Variants in CALD1 observed in about 807,000 individuals in gnomAD.
The protein encoded by CALD1 is caldesmon 1, also known as caldesmon.
CALD1 carries 33 observed loss-of-function variants against 99.9 expected under a neutral mutation model. The ratio of observed to expected loss-of-function variants is 0.33; its 90% confidence interval spans 0.25 to 0.44. The LOEUF (loss-of-function observed/expected upper bound fraction) is 0.44. Among genes scored for constraint, CALD1 ranks in the 20% least tolerant of loss-of-function variants. The pLI is 1.00. For missense variants in CALD1, 861 were observed against 962.1 expected (o/e 0.89, Z 1.39); for synonymous variants, 310 against 325.0 (o/e 0.95, Z 0.50).
At chr7:134,817,264 G>T (rs1798599041) in intron 1 of CALD1, among the ~76,000 whole-genome samples, 1 of 151,968 alleles carries the variant, frequency 6.6e-6, no homozygotes. Context: ...TGGTTAGAAA[G>T]GACTTTTTTC....
At chr7:134,781,163 C>T (rs1797089521) in intron 1 of CALD1, among the ~76,000 whole-genome samples, 1 of 152,224 alleles carries the variant, frequency 6.6e-6, no homozygotes, top group East Asian at 1.9e-4. Context: ...AGTTTAATTA[C>T]TGTCCTTCCC....
chr7:134,715,360 G>C, the CALD1 span, among the ~76,000 whole-genome samples: 1 of 152,108 alleles, frequency 6.6e-6, no homozygotes, highest in Non-Finnish European at 1.5e-5. Context: ...GATCATGTAG[G>C]TCTGCTATAA....
the CALD1 span, among the ~76,000 whole-genome samples, chr7:134,721,708 G>A: frequency 6.6e-6 from 1 of 152,060 alleles, no homozygotes. Flanking sequence ...CTTCTTGGCG[G>A]TAGTGTCTCC....
the CALD1 span, among the ~76,000 whole-genome samples, chr7:134,738,166 T>G: frequency 1.3e-5 from 2 of 152,302 alleles, no homozygotes; most frequent in African/African-American, 4.8e-5. Context: ...CCTGTGGTCA[T>G]TAAAACCCAA....
Position 134,928,901 on chromosome 7 carries a change from G to GT in CALD1, c.218+2dup. 1 of 1,605,382 alleles carries GT rather than the reference G, an allele frequency of 6.2e-7. No individual in the cohort carries two copies. Among genetic ancestry groups the GT allele is most frequent in the Non-Finnish European group, 8.5e-7 (1 of 1,175,336 alleles). On this transcript the variant is annotated splice_donor_variant, in intron 4 of 14. Coordinates refer to ENST00000361675, the MANE Select transcript of CALD1 (RefSeq NM_033138.4). LOFTEE classifies it high-confidence loss of function. ...AGGTGGAGGTGAATGCCCAGAACAG[G>GT]TACTGTCCTCTTTGGGACGGGGAGT...
At chr7:134,715,956 TTTA>T in the CALD1 span, among the ~76,000 whole-genome samples, 15 of 151,970 alleles carry the variant, frequency 9.9e-5, no homozygotes, top group South Asian at 6.2e-4. Context: ...GGTATTTTGT[TTTA>T]TTATTATTAT....
chr7:134,934,335 C>T (rs529596635), intron 5 of CALD1, among the ~76,000 whole-genome samples: 2 of 152,122 alleles, frequency 1.3e-5, no homozygotes, highest in Admixed American at 6.5e-5. Flanking sequence ...TTGCTCTGTG[C>T]TTGATTGTTA....
intron 3 of CALD1, among the ~76,000 whole-genome samples, chr7:134,920,060 T>C (rs926408283): frequency 6.6e-6 from 1 of 152,212 alleles, no homozygotes; most frequent in Non-Finnish European, 1.5e-5. Flanking sequence ...AACAAAATCA[T>C]ATTTAAGAGC....
intron 13 of CALD1, 154 bp downstream of exon 13, chr7:134,960,782 A>G: frequency 1.7e-6 from 1 of 593,572 alleles, no homozygotes; most frequent in Non-Finnish European, 3.0e-6. Flanking sequence ...CAGATTTACA[A>G]CAGTTCTAAG....
At chr7:134,908,500 T>C (rs1246480230) in intron 3 of CALD1, among the ~76,000 whole-genome samples, 1 of 152,206 alleles carries the variant, frequency 6.6e-6, no homozygotes, top group East Asian at 1.9e-4. Flanking sequence ...CTGCATCTGG[T>C]CCACAGTGTT....
chr7:134,912,328 T>C (rs1803874612), intron 3 of CALD1, among the ~76,000 whole-genome samples: 1 of 152,226 alleles, frequency 6.6e-6, no homozygotes, highest in Non-Finnish European at 1.5e-5. Context: ...ACTGGGTAAA[T>C]GGATTTACCA....
the CALD1 span, among the ~76,000 whole-genome samples, chr7:134,713,620 A>G: frequency 6.6e-6 from 1 of 152,076 alleles, no homozygotes; most frequent in South Asian, 2.1e-4. Flanking sequence ...AATCCCCCCT[A>G]GGAAATTCTC....
intron 13 of CALD1, chr7:134,963,036 A>C (rs1808398672): frequency 2.5e-6 from 1 of 392,538 alleles, no homozygotes; most frequent in Non-Finnish European, 5.1e-6. Context: ...AGTGATCTTG[A>C]AAGATTCATC....
At chr7:134,784,955 T>C (rs966281216) in intron 1 of CALD1, among the ~76,000 whole-genome samples, 2 of 152,166 alleles carry the variant, frequency 1.3e-5, no homozygotes, top group Non-Finnish European at 2.9e-5. Flanking sequence ...TCAAAGACTA[T>C]TGTCTTTGGC....
chr7:134,745,488 C>T lies in CALD1; in HGVS notation c.-130+1125C>T, dbSNP rs555660523. 2.6e-5 allele frequency: 4 copies of T among 152,288 alleles called. No individual in the cohort carries two copies. The South Asian group carries it at 6.2e-4, about 24-fold the overall frequency. The allele number at this position is 152,288 out of a possible 1,614,324, so 9.4% of individuals were successfully genotyped here. Reference sequence around the variant, plus strand: ...TTTCAAGAATTCTGGATTAAACTCCCTCCCTTGCATTGTATTCAGGGGTGC... The same window carrying T: ...TTTCAAGAATTCTGGATTAAACTCCTTCCCTTGCATTGTATTCAGGGGTGC... On this transcript the variant is annotated intron_variant, in intron 1 of 13. Coordinates refer to the CALD1 transcript ENST00000417172.
At chr7:134,934,499 C>A (rs1805801816) in intron 5 of CALD1, among the ~76,000 whole-genome samples, 1 of 152,108 alleles carries the variant, frequency 6.6e-6, no homozygotes, top group Non-Finnish European at 1.5e-5. Flanking sequence ...CTCCTTACCT[C>A]ACTCATGGGT....
intron 1 of CALD1, among the ~76,000 whole-genome samples, chr7:134,785,639 G>A (rs1308289955): frequency 6.6e-6 from 1 of 152,128 alleles, no homozygotes; most frequent in African/African-American, 2.4e-5. Context: ...ATCCCATTTG[G>A]GAACTTGTGC....
In CALD1 at chr7:134,947,569, G is replaced by C. The variant is rs1343856078; in HGVS notation, c.1594G>C (p.Ala532Pro). ...GGCTGAGGGCGCCCCCCAGGTGGAA[G>C]CCGGCAAAAGGCTGGAGGAGCTTCG... The part of the protein sequence containing the change: ...KEAEGAPQVE[A>P]GKRLEELRRR... Residue 532 changes from alanine to proline, a missense_variant, in exon 8 of 15, where the codon GCC becomes CCC. Around this residue, in one of 5 missense-constraint regions of CALD1, gnomAD observed 293 missense variants for 262.7 expected, o/e 1.12. Coordinates refer to ENST00000361675, the MANE Select transcript of CALD1 (RefSeq NM_033138.4). The C allele has an allele frequency of 5.1e-6, 8 of 1,561,874 alleles. No individual in the cohort carries two copies. The highest frequency in any genetic ancestry group is 6.9e-6 in the Non-Finnish European group (8 of 1,152,714).
intron 1 of CALD1, among the ~76,000 whole-genome samples, chr7:134,802,176 G>A (rs1265334509): frequency 3.7e-5 from 1 of 27,378 alleles, no homozygotes; most frequent in Non-Finnish European, 9.9e-5. Flanking sequence ...CAACATATAT[G>A]TGTGTGTGTG....
Sources: gnomAD v4.1 joint callset for allele counts (sites outside exome capture counted in the v4.1 genomes callset) on GRCh38, gnomAD v4.1.1 for gene constraint, gnomAD v4.1.1 regional missense constraint, MANE v1.5 for transcripts, NCBI Gene and HGNC (gene_info 2026-07-23, HGNC 2026-07-21) for gene names.